Variants in DDX43 observed in about 807,000 individuals in gnomAD.
DDX43 encodes the protein probable ATP-dependent RNA helicase DDX43.
A neutral mutation model predicts 84.9 loss-of-function variants in DDX43; 50 were observed. That is an observed-to-expected ratio of 0.59 (90% CI 0.47 to 0.75). The LOEUF is 0.75. Ranked by LOEUF, DDX43 falls within the 30% of genes least tolerant of loss-of-function variation. DDX43 has a pLI of 0.00. For missense variants in DDX43, 689 were observed against 798.6 expected (o/e 0.86, Z 1.65); for synonymous variants, 291 against 266.3 (o/e 1.09, Z -0.90).
chr6:73,410,962 G>A (rs1003149559), intron 10 of DDX43, among the ~76,000 whole-genome samples: 13 of 151,854 alleles, frequency 8.6e-5, no homozygotes, highest in Admixed American at 3.3e-4. Context: ...CGAGACGAGC[G>A]AATCACGAGG....
chr6:73,408,596 G>C (rs1174264562), intron 9 of DDX43, among the ~76,000 whole-genome samples: 1 of 150,056 alleles, frequency 6.7e-6, no homozygotes, highest in African/African-American at 2.4e-5. Flanking sequence ...TGCTCTTGTT[G>C]CCCAGGCTGG....
chr6:73,416,239 T>C lies in DDX43; in HGVS notation c.*13T>C. ...GAAGTTTCATTAATGTCTTCTGTACTAGTGGGGTAGAGGTAAAAGTTCAAT... is the reference window on the plus strand; with the variant it reads ...GAAGTTTCATTAATGTCTTCTGTACCAGTGGGGTAGAGGTAAAAGTTCAAT... On this transcript the variant is annotated 3_prime_UTR_variant, in exon 16 of 17. Transcript: ENST00000370336. The C allele has an allele frequency of 7.3e-7, 1 of 1,366,608 alleles. No homozygotes were observed. 84.7% of individuals were successfully genotyped at this position (1,366,608 alleles called of 1,614,324 possible).
At position 73,408,049 on chromosome 6, in the gene DDX43, T is replaced by G; in HGVS notation, c.1127T>G (p.Leu376Trp). ...VDIIIATPGR[L>W]NDLQMSNFVN... Reference sequence around the variant, plus strand: ...ATCATAATTGCAACTCCCGGAAGATTGAATGATCTGCAAATGAGTAACTTC... The same window carrying G: ...ATCATAATTGCAACTCCCGGAAGATGGAATGATCTGCAAATGAGTAACTTC... Residue 376 changes from leucine to tryptophan, a missense_variant, in exon 9 of 17, where the codon TTG (leucine) becomes TGG (tryptophan). Transcript: ENST00000370336. 6.2e-7 allele frequency: 1 copy of G among 1,611,156 alleles called. No individual in the cohort carries two copies. The highest frequency in any genetic ancestry group is 8.5e-7 in the Non-Finnish European group (1 of 1,178,856).
Position 73,409,306 on chromosome 6 carries a change from T to A in DDX43, c.1238T>A (p.Ile413Asn). 1 of 1,614,146 alleles carries A rather than the reference T, an allele frequency of 6.2e-7. No individual in the cohort carries two copies. Among genetic ancestry groups the A allele is most frequent in the Non-Finnish European group, 8.5e-7 (1 of 1,180,020 alleles). ...GGATTTGAACCCCAGATAATGAAGA[T>A]TTTGTTAGATGTGCGCCCAGATAGG... The part of the protein sequence containing the change: ...DMGFEPQIMK[I>N]LLDVRPDRQT... Residue 413 changes from isoleucine (I) to asparagine (N), a missense_variant, in exon 10 of 17, where the codon ATT becomes AAT. Coordinates refer to ENST00000370336, the MANE Select transcript of DDX43 (RefSeq NM_018665.3).
chr6:73,397,578 C>G, intron 1 of DDX43, 111 bp from the exon 2 acceptor site: 4 of 850,068 alleles, frequency 4.7e-6, no homozygotes. Flanking sequence ...TTGTTGAACC[C>G]TAGGAGCATT....
At chr6:73,411,333 CTT>C (rs55782182) in intron 10 of DDX43, among the ~76,000 whole-genome samples, 4 of 141,184 alleles carry the variant, frequency 2.8e-5, no homozygotes, top group Non-Finnish European at 3.1e-5. Flanking sequence ...TCTTTTCTTT[CTT>C]TTTTTTTTTT....
chr6:73,416,536 TA>T (rs1293808762), intron 16 of DDX43, among the ~76,000 whole-genome samples: 4 of 152,146 alleles, frequency 2.6e-5, no homozygotes, highest in Non-Finnish European at 2.9e-5. Context: ...CATTCAGCCC[TA>T]AAAAGGAAGA....
chr6:73,397,948 C>A (rs1769504241), intron 2 of DDX43: 1 of 413,136 alleles, frequency 2.4e-6, no homozygotes. Flanking sequence ...CGGGTTCCCA[C>A]CACCAAGCCC....
At chr6:73,395,213 C>A in intron 1 of DDX43, 58 bp downstream of exon 1, 1 of 1,521,410 alleles carries the variant, frequency 6.6e-7, no homozygotes, top group South Asian at 1.3e-5. Context: ...GGAGCCTGGG[C>A]GAAGGCATTT....
intron 3 of DDX43, among the ~76,000 whole-genome samples, 197 bp from the exon 4 acceptor site, chr6:73,401,662 C>T (rs1562283322): frequency 6.6e-6 from 1 of 151,962 alleles, no homozygotes; most frequent in Non-Finnish European, 1.5e-5. Context: ...ATTAGCTGGG[C>T]GTTGCGGCGT....
At position 73,415,571 on chromosome 6, in the gene DDX43, A is replaced by G. The variant is rs767288719; in HGVS notation, c.1820A>G (p.Glu607Gly). The change falls in exon 15 of 17, where the codon GAA becomes GGA. Residue 607 changes from glutamate to glycine, a missense_variant. This residue lies in a region of DDX43 where 552 missense variants were observed against 692.7 expected (regional missense o/e 0.80). Transcript: ENST00000370336. ...RVASELINIL[E>G]RANQSIPEEL... ...GCCTCTGAATTGATTAATATTCTGG[A>G]AAGAGCAAATCAGGTGAGACTATGC... 6.2e-7 allele frequency: 1 copy of G among 1,611,346 alleles called. No individual in the cohort carries two copies. The highest frequency in any genetic ancestry group is 1.7e-5 in the Admixed American group (1 of 59,924).
At chr6:73,406,726 A>G (rs1769691221) in intron 7 of DDX43, among the ~76,000 whole-genome samples, 1 of 152,234 alleles carries the variant, frequency 6.6e-6, no homozygotes, top group Non-Finnish European at 1.5e-5. Context: ...TGTTTAAACT[A>G]TGTCCAATAC....
In DDX43 at chr6:73,395,180, G is replaced by A. The variant is rs199805545; in HGVS notation, c.250+25G>A. On this transcript the variant is annotated intron_variant, in intron 1 of 16. Coordinates refer to ENST00000370336, the MANE Select transcript of DDX43 (RefSeq NM_018665.3). ...GGTGAGAATGGGAGTGGCTGGCAGGGCAGGATAGGTGGGGCCAGGGGCGGA... is the reference window on the plus strand; with the variant it reads ...GGTGAGAATGGGAGTGGCTGGCAGGACAGGATAGGTGGGGCCAGGGGCGGA... The A allele has an allele frequency of 8.8e-6, 14 of 1,586,430 alleles. No homozygotes were observed. In the Admixed American group the frequency reaches 9.2e-5, roughly 10 times the overall value.
chr6:73,406,381 T>G lies in DDX43; in HGVS notation c.825T>G (p.Ile275Met), dbSNP rs751360556. 2 of 1,610,600 alleles carry G rather than the reference T, an allele frequency of 1.2e-6. No homozygotes were observed. The highest frequency in any genetic ancestry group is 1.7e-6 in the Non-Finnish European group (2 of 1,177,520). The change falls in exon 7 of 17, where the codon ATT becomes ATG. Residue 275 changes from isoleucine (I) to methionine (M), a missense_variant. By Grantham distance (10) the Ile-to-Met change is conservative (BLOSUM62 1). Around this residue, in one of 2 missense-constraint regions of DDX43, gnomAD observed 552 missense variants for 692.7 expected, o/e 0.80. Transcript: ENST00000370336. ...CGTTTCAGTCACAGGCATGGCCCAT[T>G]GTGTTGCAAGGAATAGATCTTATAG... ...PTPIQSQAWP[I>M]VLQGIDLIGV...
chr6:73,408,247 C>G, intron 9 of DDX43, 146 bp downstream of exon 9: 3 of 691,504 alleles, frequency 4.3e-6, no homozygotes, highest in Admixed American at 5.6e-5. Flanking sequence ...CCAACCTGAC[C>G]AATATGATGA....
intron 11 of DDX43, chr6:73,413,415 T>TA (rs1220008972): frequency 3.6e-6 from 1 of 277,422 alleles, no homozygotes; most frequent in Non-Finnish European, 6.7e-6. Context: ...ATAAATGAAA[T>TA]AAAATGATTA....
At chr6:73,405,938 C>G (rs1237332594) in intron 6 of DDX43, 103 bp downstream of exon 6, 5 of 1,053,440 alleles carry the variant, frequency 4.7e-6, no homozygotes, top group Non-Finnish European at 6.6e-6. Flanking sequence ...TAGCATTCCA[C>G]CAGCACCTTC....
chr6:73,401,661 G>A (rs1032071937), intron 3 of DDX43, among the ~76,000 whole-genome samples, 198 bp from the exon 4 acceptor site: 3 of 152,050 alleles, frequency 2.0e-5, no homozygotes, highest in African/African-American at 7.2e-5. Flanking sequence ...AATTAGCTGG[G>A]CGTTGCGGCG....
intron 13 of DDX43, 101 bp downstream of exon 13, chr6:73,414,180 C>T: frequency 1.4e-6 from 1 of 700,812 alleles, no homozygotes; most frequent in South Asian, 1.8e-5. Context: ...TTTCTAAGAT[C>T]TGTCCTCACC....
Sources: allele counts gnomAD v4.1 joint callset (sites outside exome capture counted in the v4.1 genomes callset), GRCh38; gene constraint gnomAD v4.1.1; regional missense constraint gnomAD v4.1.1; transcripts MANE v1.5; gene names NCBI Gene and HGNC (gene_info 2026-07-23, HGNC 2026-07-21).